The following RNF149 variants were observed in gnomAD, a reference collection of about 807,000 sequenced individuals.
RNF149 encodes E3 ubiquitin-protein ligase RNF149.
Under a neutral mutation model 39.0 loss-of-function variants are expected in RNF149, and 21 were observed. That is an observed-to-expected ratio of 0.54 (90% CI 0.38 to 0.77). The LOEUF (loss-of-function observed/expected upper bound fraction) is 0.77. Among genes scored for constraint, RNF149 ranks in the 30% least tolerant of loss-of-function variants. The pLI is 0.00. For synonymous variants in RNF149, 209 were observed against 213.6 expected (o/e 0.98, Z 0.19); for missense variants, 493 against 534.9 (o/e 0.92, Z 0.77).
Position 101,286,194 on chromosome 2 carries a change from T to C in RNF149, c.864-17A>G. Reference sequence around the variant, plus strand: ...AAAATATGCCTAAAAAGATTAAGTATGTGTTAATGTTTTTAAAATCAATGT... The same window carrying C: ...AAAATATGCCTAAAAAGATTAAGTACGTGTTAATGTTTTTAAAATCAATGT... On this transcript the variant is annotated splice_polypyrimidine_tract_variant and intron_variant, in intron 4 of 6. Transcript: ENST00000295317. 7.2e-7 allele frequency: 1 copy of C among 1,396,432 alleles called. No individual in the cohort carries two copies. The highest frequency in any genetic ancestry group is 1.0e-6 in the Non-Finnish European group (1 of 987,128). The allele number at this position is 1,396,432 out of a possible 1,614,324, so 86.5% of individuals were successfully genotyped here.
rs541422681 is a variant in RNF149 at position 101,308,307 on chromosome 2, C to T, written c.282G>A (p.Thr94=). The T allele has an allele frequency of 1.9e-6, 3 of 1,582,036 alleles. No homozygotes were observed. Among genetic ancestry groups the T allele is most frequent in the South Asian group, 2.3e-5 (2 of 88,716 alleles). The part of the protein sequence containing the change: ...GGDLEGCAPD[T]RFFVPEPGGR... ...CGCCGGGCTCGGGCACGAAGAAGCG[C>T]GTGTCGGGCGCGCAGCCCTCGAGGT... Residue 94 remains threonine, a synonymous_variant, in exon 1 of 7, where the codon ACG becomes ACA. Coordinates refer to ENST00000295317, the MANE Select transcript of RNF149 (RefSeq NM_173647.4).
chr2:101,286,078 A>C lies in RNF149; in HGVS notation c.960+3T>G, dbSNP rs773267391. ...ATTGAATATAAACAAAAATGTAACA[A>C]ACCCAATATCCTAGGGCTTTGATGA... On this transcript the variant is annotated splice_donor_region_variant and intron_variant, in intron 5 of 6. Transcript: ENST00000295317. 1.3e-6 allele frequency: 2 copies of C among 1,577,390 alleles called. No homozygotes were observed. The highest frequency in any genetic ancestry group is 3.4e-5 in the Admixed American group (2 of 58,840).
At chr2:101,288,230 CTTTTTTTTT>C (rs554652378) in intron 4 of RNF149, among the ~76,000 whole-genome samples, 1 of 60,576 alleles carries the variant, frequency 1.7e-5, no homozygotes, top group Non-Finnish European at 2.8e-5. Flanking sequence ...GAAAGAAAAA[CTTTTTTTTT>C]TTTTTTTTTT....
At chr2:101,301,396 T>C (rs1478046712) in intron 1 of RNF149, among the ~76,000 whole-genome samples, 1 of 151,966 alleles carries the variant, frequency 6.6e-6, no homozygotes, top group Non-Finnish European at 1.5e-5. Context: ...TGCACGATTA[T>C]AGCTCACTGC....
chr2:101,303,191 C>T (rs1483961006), intron 1 of RNF149, among the ~76,000 whole-genome samples: 1 of 152,086 alleles, frequency 6.6e-6, no homozygotes, highest in East Asian at 1.9e-4. Context: ...TCTCGGCTCA[C>T]TGCAACCTCT....
chr2:101,292,382 A>G (rs1683046265), intron 3 of RNF149, among the ~76,000 whole-genome samples: 1 of 152,198 alleles, frequency 6.6e-6, no homozygotes, highest in Non-Finnish European at 1.5e-5. Context: ...AGTGTTCTGT[A>G]TGGGAAGAGG....
intron 6 of RNF149, 112 bp downstream of exon 6, chr2:101,281,747 A>G: frequency 7.7e-7 from 1 of 1,307,150 alleles, no homozygotes; most frequent in Admixed American, 1.8e-5. Flanking sequence ...ACTCTTCGAT[A>G]GCTCAAACTC....
chr2:101,277,134 T>TAC lies in RNF149; in HGVS notation c.*102_*103dup. Reference sequence around the variant, plus strand: ...TCAGAATCTAATAGGTAAAATAATATACATTATTTTCAAATATACAAATTA... The same window carrying TAC: ...TCAGAATCTAATAGGTAAAATAATATACACATTATTTTCAAATATACAAATTA... On this transcript the variant is annotated 3_prime_UTR_variant, in exon 7 of 7. Coordinates refer to ENST00000295317, the MANE Select transcript of RNF149 (RefSeq NM_173647.4). 6.7e-7 allele frequency: 1 copy of TAC among 1,494,824 alleles called. No homozygotes were observed. The highest frequency in any genetic ancestry group is 2.5e-5 in the East Asian group (1 of 39,752). 92.6% of individuals were successfully genotyped at this position (1,494,824 alleles called of 1,614,324 possible).
intron 5 of RNF149, among the ~76,000 whole-genome samples, chr2:101,283,564 G>C (rs978923462): frequency 2.6e-5 from 4 of 152,138 alleles, no homozygotes; most frequent in Admixed American, 6.5e-5. Context: ...ACTGCAGGAG[G>C]GGGTCAACAG....
chr2:101,295,434 G>C (rs373739583), intron 1 of RNF149, among the ~76,000 whole-genome samples: 1 of 151,992 alleles, frequency 6.6e-6, no homozygotes, highest in Admixed American at 6.6e-5. Context: ...GGCCTAGGCG[G>C]GCGGATCACT....
At chr2:101,283,367 T>G (rs1203137211) in intron 5 of RNF149, among the ~76,000 whole-genome samples, 11 of 152,202 alleles carry the variant, frequency 7.2e-5, no homozygotes, top group Non-Finnish European at 1.6e-4. Flanking sequence ...TCTAGCACCT[T>G]AGATGTCATT....
intron 2 of RNF149, 49 bp downstream of exon 2, chr2:101,294,882 T>A: frequency 6.9e-7 from 1 of 1,439,204 alleles, no homozygotes; most frequent in South Asian, 1.2e-5. Flanking sequence ...ATGCGGCATA[T>A]TTATGAATTA....
chr2:101,273,799 C>T (rs1316056451), downstream of RNF149, among the ~76,000 whole-genome samples: 1 of 152,106 alleles, frequency 6.6e-6, no homozygotes, highest in Non-Finnish European at 1.5e-5. Flanking sequence ...TGTTAATTTT[C>T]ATCTAAAAAA....
chr2:101,287,771 C>CA (rs1682850441), intron 4 of RNF149, among the ~76,000 whole-genome samples: 1 of 152,210 alleles, frequency 6.6e-6, no homozygotes, highest in Non-Finnish European at 1.5e-5. Context: ...CCCTGATACT[C>CA]ACGCCTTCAT....
chr2:101,305,136 G>A (rs778279246), intron 1 of RNF149, among the ~76,000 whole-genome samples: 12 of 151,990 alleles, frequency 7.9e-5, no homozygotes, highest in African/African-American at 2.7e-4. Context: ...CAACGCACTC[G>A]GCCTAGTATT....
chr2:101,284,484 G>A (rs1000971117), intron 5 of RNF149, among the ~76,000 whole-genome samples: 1 of 152,118 alleles, frequency 6.6e-6, no homozygotes, highest in Non-Finnish European at 1.5e-5. Context: ...GGGAGGCTGA[G>A]GCTGGAGAAT....
intron 6 of RNF149, among the ~76,000 whole-genome samples, chr2:101,279,646 A>G (rs1446595248): frequency 1.3e-5 from 2 of 152,220 alleles, no homozygotes; most frequent in Non-Finnish European, 2.9e-5. Context: ...GAGAGCTGTT[A>G]GGAGAATGCC....
chr2:101,285,969 C>T, intron 5 of RNF149, 112 bp downstream of exon 5: 1 of 622,808 alleles, frequency 1.6e-6, no homozygotes, highest in Non-Finnish European at 2.9e-6. Context: ...CAGAGAACTA[C>T]AAGGATATTA....
At chr2:101,284,073 G>A (rs1436089864) in intron 5 of RNF149, among the ~76,000 whole-genome samples, 1 of 152,158 alleles carries the variant, frequency 6.6e-6, no homozygotes, top group Non-Finnish European at 1.5e-5. Flanking sequence ...GAGCAAAGAG[G>A]GGATGAGCCA....
Sources: allele counts gnomAD v4.1 joint callset (sites outside exome capture counted in the v4.1 genomes callset), GRCh38; gene constraint gnomAD v4.1.1; transcripts MANE v1.5; gene names NCBI Gene and HGNC (gene_info 2026-07-23, HGNC 2026-07-21).